CRPPA: variants seen among roughly 807,000 people sequenced by gnomAD.
CRPPA encodes the protein CDP-L-ribitol pyrophosphorylase A, also known as D-ribitol-5-phosphate cytidylyltransferase.
In CRPPA, 43 loss-of-function variants were observed where a neutral mutation model predicts 52.0. The ratio of observed to expected loss-of-function variants is 0.83; its 90% CI spans 0.65 to 1.07. The LOEUF (loss-of-function observed/expected upper bound fraction) is 1.07, where lower values mean the gene tolerates loss of function less well. CRPPA is among the 50% of genes least tolerant of loss of function. CRPPA has a pLI of 0.00. For synonymous variants in CRPPA, 250 were observed against 203.5 expected, an observed-to-expected ratio of 1.23 and a Z score of -1.94; for missense variants, 629 against 551.7, an observed-to-expected ratio of 1.14 and a Z score of -1.40.
intron 2 of CRPPA, among the ~76,000 whole-genome samples, chr7:16,393,244 T>C (rs1182135306): frequency 6.6e-6 from 1 of 152,130 alleles, no homozygotes; most frequent in African/African-American, 2.4e-5. Flanking sequence ...TTAGAATGCA[T>C]ATATACACAG....
chr7:16,397,610 G>T (rs1344685924), intron 2 of CRPPA, among the ~76,000 whole-genome samples: 1 of 151,804 alleles, frequency 6.6e-6, no homozygotes, highest in South Asian at 2.1e-4. Context: ...CGTGTGACAC[G>T]TGACACGTGA....
chr7:16,119,028 G>T (rs1303155519), intron 9 of CRPPA, among the ~76,000 whole-genome samples: 1 of 151,974 alleles, frequency 6.6e-6, no homozygotes, highest in African/African-American at 2.4e-5. Context: ...CACTTGTTTT[G>T]CCCGGTCTCC....
At chr7:16,310,318 C>A (rs1390229732) in intron 3 of CRPPA, among the ~76,000 whole-genome samples, 1 of 151,968 alleles carries the variant, frequency 6.6e-6, no homozygotes. Context: ...AGAGATCCCC[C>A]AAAAAGCAAG....
intron 3 of CRPPA, among the ~76,000 whole-genome samples, chr7:16,374,753 C>G (rs1786837233): frequency 6.6e-6 from 1 of 152,132 alleles, no homozygotes; most frequent in African/African-American, 2.4e-5. Context: ...TCTCACTTTA[C>G]CACTGTCTTC....
chr7:16,242,522 C>G (rs1783145663), intron 8 of CRPPA, among the ~76,000 whole-genome samples: 1 of 152,036 alleles, frequency 6.6e-6, no homozygotes, highest in Non-Finnish European at 1.5e-5. Flanking sequence ...TACTACACAC[C>G]CCCGTAAATG....
chr7:16,384,308 T>A (rs927072423), intron 2 of CRPPA, among the ~76,000 whole-genome samples: 1 of 152,230 alleles, frequency 6.6e-6, no homozygotes, highest in Non-Finnish European at 1.5e-5. Context: ...AAAGAGATCA[T>A]CATGGTAAGC....
chr7:16,377,402 C>T (rs1786922160), intron 2 of CRPPA, among the ~76,000 whole-genome samples: 1 of 152,110 alleles, frequency 6.6e-6, no homozygotes, highest in Non-Finnish European at 1.5e-5. Context: ...AACATGCATG[C>T]TGCTTTAAGA....
chr7:16,303,315 C>T (rs890871669), intron 4 of CRPPA, among the ~76,000 whole-genome samples: 1 of 151,478 alleles, frequency 6.6e-6, no homozygotes, highest in African/African-American at 2.4e-5. Context: ...GTGCAGTAGC[C>T]CACTTCACTA....
intron 1 of CRPPA, among the ~76,000 whole-genome samples, chr7:16,408,289 A>T (rs1468972158): frequency 6.6e-6 from 1 of 152,104 alleles, no homozygotes; most frequent in Non-Finnish European, 1.5e-5. Context: ...TCTGGAGGAG[A>T]CTTTGGGGGC....
chr7:16,106,502 C>T (rs1177516281), intron 9 of CRPPA, among the ~76,000 whole-genome samples: 1 of 152,206 alleles, frequency 6.6e-6, no homozygotes, highest in Non-Finnish European at 1.5e-5. Context: ...CAGAGCCCAA[C>T]CAGTAGCCCC....
intron 6 of CRPPA, among the ~76,000 whole-genome samples, chr7:16,261,246 G>A (rs1370060880): frequency 6.6e-6 from 1 of 152,032 alleles, no homozygotes; most frequent in African/African-American, 2.4e-5. Flanking sequence ...TTCATTTCCA[G>A]GAAGTTTAAT....
At chr7:16,274,089 G>A (rs541681043) in intron 6 of CRPPA, among the ~76,000 whole-genome samples, 15 of 152,176 alleles carry the variant, frequency 9.9e-5, no homozygotes, top group African/African-American at 3.1e-4. Context: ...TCGCTCTGTC[G>A]CCCAGGCTGG....
At chr7:16,398,227 C>A (rs1485549435) in intron 2 of CRPPA, among the ~76,000 whole-genome samples, 1 of 43,392 alleles carries the variant, frequency 2.3e-5, no homozygotes, top group Non-Finnish European at 4.0e-5. Flanking sequence ...CATGTAATAA[C>A]GTGACTGACA....
intron 3 of CRPPA, among the ~76,000 whole-genome samples, chr7:16,365,575 A>G (rs1466573179): frequency 6.6e-6 from 1 of 152,202 alleles, no homozygotes; most frequent in Admixed American, 6.5e-5. Context: ...CAAATTAGTC[A>G]AAAAAATGGA....
chr7:16,313,007 G>T (rs1332474280), intron 3 of CRPPA, among the ~76,000 whole-genome samples: 2 of 152,028 alleles, frequency 1.3e-5, no homozygotes, highest in Non-Finnish European at 1.5e-5. Flanking sequence ...TCTCTACAAT[G>T]ATGAGAGAGA....
intron 9 of CRPPA, among the ~76,000 whole-genome samples, chr7:16,098,591 TA>T (rs1781978201): frequency 1.3e-5 from 2 of 152,194 alleles, no homozygotes; most frequent in Non-Finnish European, 2.9e-5. Flanking sequence ...CATCTAGTCA[TA>T]AATATACACA....
chr7:16,202,769 G>A (rs1471278505), intron 9 of CRPPA, among the ~76,000 whole-genome samples: 2 of 152,140 alleles, frequency 1.3e-5, no homozygotes, highest in African/African-American at 4.8e-5. Context: ...GATGAAAACA[G>A]TATAAACAAA....
chr7:16,178,995 C>CT lies in CRPPA; in HGVS notation c.1251+37070dup, dbSNP rs1377090785. On this transcript the variant is annotated intron_variant, in intron 9 of 9. Transcript: ENST00000407010. ...AAGAAATAGAGCAAACTGTGTATGC[C>CT]TTTGGAGTGTTTCAGGCACACACGA... is the stretch of plus-strand genomic sequence containing the variant. 2.6e-5 allele frequency among the ~76,000 whole-genome samples: 4 copies of CT among 151,986 alleles called. No homozygotes were observed. The East Asian group carries it at 7.8e-4, about 30-fold the overall frequency.
At chr7:16,223,460 CAA>C (rs1459494480) in intron 8 of CRPPA, among the ~76,000 whole-genome samples, 1 of 152,080 alleles carries the variant, frequency 6.6e-6, no homozygotes, top group Non-Finnish European at 1.5e-5. Flanking sequence ...ATTAGGTTAA[CAA>C]AATTCAAGCA....
Sources: allele counts gnomAD v4.1 joint callset (sites outside exome capture counted in the v4.1 genomes callset), GRCh38; gene constraint gnomAD v4.1.1; transcripts MANE v1.5; gene names NCBI Gene and HGNC (gene_info 2026-07-23, HGNC 2026-07-21).